The following CYP2D6 variants were observed in gnomAD, a reference collection of about 807,000 sequenced individuals.
CYP2D6 encodes cytochrome P450 2D6.
Under a neutral mutation model 43.5 loss-of-function variants are expected in CYP2D6, and 51 were observed. The ratio of observed to expected loss-of-function variants is 1.17; its 90% CI spans 0.94 to 1.48. The LOEUF (loss-of-function observed/expected upper bound fraction) is 1.48. CYP2D6 is among the 40% of genes most tolerant of loss of function. The pLI is 0.00. For missense variants in CYP2D6, 698 were observed against 688.0 expected, an observed-to-expected ratio of 1.01 and a Z score of -0.16; for synonymous variants, 346 against 297.1, an observed-to-expected ratio of 1.16 and a Z score of -1.69.
rs1931191568 is a variant in CYP2D6, at chr22:42,127,859, A to G, written c.968T>C (p.Leu323Pro). 2.5e-6 allele frequency: 4 copies of G among 1,610,842 alleles called. 1 individual carries two copies. The highest frequency in any genetic ancestry group is 3.4e-6 in the Non-Finnish European group (4 of 1,178,094). Reference sequence around the variant, plus strand: ...GGGCTCACGCTGCACATCCGGATGTAGGATCATGAGCAGGAGGCCCCAGGC... The same window carrying G: ...GGGCTCACGCTGCACATCCGGATGTGGGATCATGAGCAGGAGGCCCCAGGC... ...TLAWGLLLMI[L>P]HPDVQRRVQQ... The change falls in exon 6 of 9, where the codon CTA becomes CCA. Residue 323 changes from leucine (L) to proline (P), a missense_variant. By Grantham distance (98) the Leu-to-Pro change is moderately conservative. This residue lies in a region of CYP2D6 where 588 missense variants were observed against 521.1 expected (regional missense o/e 1.13). Transcript: ENST00000645361.
At position 42,127,312 on chromosome 22, in the gene CYP2D6, G is replaced by C. The variant is rs1334836358; in HGVS notation, c.1173+135C>G. 6 of 1,213,096 alleles carry C rather than the reference G, an allele frequency of 4.9e-6. 1 individual carries two copies. The highest frequency in any genetic ancestry group is 7.1e-6 in the Non-Finnish European group (6 of 845,674). The allele number at this position is 1,213,096 out of a possible 1,614,324, so 75.1% of individuals were successfully genotyped here. On this transcript the variant is annotated intron_variant, in intron 7 of 8. Coordinates refer to ENST00000645361, the MANE Select transcript of CYP2D6 (RefSeq NM_000106.6). Reference sequence around the variant, plus strand: ...CCTATACTCTGGACCCCCCACCCAAGTGGGGACAGTCAGTGTGGTGGCATT... The same window carrying C: ...CCTATACTCTGGACCCCCCACCCAACTGGGGACAGTCAGTGTGGTGGCATT...
In CYP2D6 at chr22:42,128,786, C is replaced by T. The variant is rs753945541; in HGVS notation, c.664G>A (p.Glu222Lys). Residue 222 changes from glutamate (E) to lysine (K), a missense_variant and splice_region_variant, in exon 4 of 9, where the codon GAG (glutamate) becomes AAG (lysine). Physicochemically the swap from Glu to Lys is moderately conservative, Grantham distance 56. Coordinates refer to ENST00000645361, the MANE Select transcript of CYP2D6 (RefSeq NM_000106.6). Reference protein sequence around the residue: ...GLKEESGFLREVLNAVPVLLH... With the variant: ...GLKEESGFLRKVLNAVPVLLH... ...CTCCTCGGTCTCTCGCTCCGCACCT[C>T]GCGCAGAAAGCCCGACTCCTCCTTC... 4 of 1,605,794 alleles carry T rather than the reference C, an allele frequency of 2.5e-6. No individual in the cohort carries two copies. Among genetic ancestry groups the T allele is most frequent in the East Asian group, 2.2e-5 (1 of 44,464 alleles).
chr22:42,130,020 G>A (rs1931817877), intron 1 of CYP2D6, 111 bp from the exon 2 acceptor site: 4 of 1,151,028 alleles, frequency 3.5e-6, no homozygotes, highest in Non-Finnish European at 4.9e-6. Context: ...GTGAGCAGGT[G>A]GAAGGAGGAG....
At position 42,129,350 on chromosome 22, in the gene CYP2D6, C is replaced by A; in HGVS notation, c.353-165G>T. The A allele has an allele frequency of 2.9e-6, 3 of 1,043,422 alleles. No homozygotes were observed. In the South Asian group the frequency reaches 4.1e-5, roughly 14 times the overall value. 64.6% of individuals were successfully genotyped at this position (1,043,422 alleles called of 1,614,324 possible). A position where few individuals can be genotyped will look rare whatever the true frequency, so the allele number is the denominator to read the frequency against. On this transcript the variant is annotated intron_variant, in intron 2 of 8. Transcript: ENST00000645361. ...ATCCACCTTGCTCCCTTGGCTGGGG[C>A]AGGGCTTTGCCCCACCTCGTCTCTG...
rs149686350 is a variant in CYP2D6 at position 42,127,513 on chromosome 22, G to C, written c.1107C>G (p.Ile369Met). The C allele has an allele frequency of 2.4e-5, 38 of 1,611,502 alleles. No homozygotes were observed. In the South Asian group the frequency reaches 4.0e-4, roughly 17 times the overall value. ...VIHEVQRFGD[I>M]VPLGVTHMTS... ...TCATATGGGTCACACCCAGGGGGAC[G>C]ATGTCCCCAAAGCGCTGCACCTCAT... The change falls in exon 7 of 9, where the codon ATC becomes ATG. Residue 369 changes from isoleucine (I) to methionine (M), a missense_variant. By Grantham distance (10) the Ile-to-Met change is conservative. Around this residue, in one of 5 missense-constraint regions of CYP2D6, gnomAD observed 588 missense variants for 521.1 expected, o/e 1.13. Transcript: ENST00000645361.
At chr22:42,128,445 C>T (rs1308308241) in intron 4 of CYP2D6, 95 bp from the exon 5 acceptor site, 6 of 1,419,008 alleles carry the variant, frequency 4.2e-6, no homozygotes, top group East Asian at 4.6e-5. Flanking sequence ...GACCCAGGGC[C>T]TGCCTGTCCT....
Position 42,128,957 on chromosome 22 carries a change from G to A in CYP2D6, c.506-13C>T, listed in dbSNP as rs1473811041. The A allele has an allele frequency of 1.9e-6, 3 of 1,583,798 alleles. No individual in the cohort carries two copies. The highest frequency in any genetic ancestry group is 2.3e-5 in the South Asian group (2 of 87,340). ...CGAAAGGGGCGTCCTGGGGGTGGGA[G>A]ATGCGGGTAAGGGGTCGCCTTCCCC... On this transcript the variant is annotated splice_polypyrimidine_tract_variant and intron_variant, in intron 3 of 8. Coordinates refer to ENST00000645361, the MANE Select transcript of CYP2D6 (RefSeq NM_000106.6).
chr22:42,127,993 G>A lies in CYP2D6; in HGVS notation c.844-10C>T, dbSNP rs763939705. On this transcript the variant is annotated splice_polypyrimidine_tract_variant and intron_variant, in intron 5 of 8. Coordinates refer to ENST00000645361, the MANE Select transcript of CYP2D6 (RefSeq NM_000106.6). Reference sequence around the variant, plus strand: ...CAGGGTTCCCCTTGGCCTGAGCAGGGCCGAGAGCATACTCGGGACAGAACG... The same window carrying A: ...CAGGGTTCCCCTTGGCCTGAGCAGGACCGAGAGCATACTCGGGACAGAACG... 1.2e-6 allele frequency: 2 copies of A among 1,611,352 alleles called. No individual in the cohort carries two copies. Among genetic ancestry groups the A allele is most frequent in the South Asian group, 1.1e-5 (1 of 90,922 alleles).
rs1295839768 is a variant in CYP2D6 at position 42,127,658 on chromosome 22, A to G, written c.986-24T>C. On this transcript the variant is annotated intron_variant, in intron 6 of 8. Coordinates refer to ENST00000645361, the MANE Select transcript of CYP2D6 (RefSeq NM_000106.6). The stretch of plus-strand genomic sequence containing the variant: ...GCCTGGACAGACATGCGTCCCCACA[A>G]TGGGTCAGCACCCAGGGGGTCCGGC... 1.7e-5 allele frequency: 28 copies of G among 1,607,342 alleles called. No homozygotes were observed. In the Middle Eastern group the frequency reaches 4.9e-4, roughly 28 times the overall value.
rs540211648 is a variant in CYP2D6 at position 42,128,701 on chromosome 22, C to A, written c.666+83G>T. 2 of 1,489,918 alleles carry A rather than the reference C, an allele frequency of 1.3e-6. 1 individual carries two copies. 92.3% of individuals were successfully genotyped at this position (1,489,918 alleles called of 1,614,324 possible). ...CTTTCCCAAACCCATCTATGCAAAT[C>A]CTGCTCTTCCGAGGCCCCAGTCCAG... On this transcript the variant is annotated intron_variant, in intron 4 of 8. Transcript: ENST00000645361.
At chr22:42,128,413 A>G (rs1438117301) in intron 4 of CYP2D6, 63 bp from the exon 5 acceptor site, 2 of 1,572,932 alleles carry the variant, frequency 1.3e-6, no homozygotes, top group Non-Finnish European at 1.7e-6. Context: ...GACAAGTCTC[A>G]GGCCCCAGCC....
In CYP2D6 at chr22:42,127,394, G is replaced by T. The variant is rs369465929; in HGVS notation, c.1173+53C>A. On this transcript the variant is annotated intron_variant, in intron 7 of 8. Coordinates refer to ENST00000645361, the MANE Select transcript of CYP2D6 (RefSeq NM_000106.6). ...GCCCACCTGGCAGTAGCCATGCTGG[G>T]GCTATCACCAGGTGCTGGTGCTGAG... 4.8e-5 allele frequency: 68 copies of T among 1,405,902 alleles called. 2 individuals are homozygous for T. In the African/African-American group the frequency reaches 7.5e-4, roughly 15 times the overall value. The allele number at this position is 1,405,902 out of a possible 1,614,324, so 87.1% of individuals were successfully genotyped here.
Position 42,126,702 on chromosome 22 carries a change from A to G in CYP2D6, c.1366T>C (p.Phe456Leu), listed in dbSNP as rs1283832855. The G allele has an allele frequency of 6.3e-7, 1 of 1,590,134 alleles. No individual in the cohort carries two copies. The highest frequency in any genetic ancestry group is 8.6e-7 in the Non-Finnish European group (1 of 1,169,150). Residue 456 changes from phenylalanine (F) to leucine (L), a missense_variant, in exon 9 of 9, where the codon TTC becomes CTC. Physicochemically the swap from Phe to Leu is conservative, Grantham distance 22. Around this residue, in one of 5 missense-constraint regions of CYP2D6, gnomAD observed 85 missense variants for 81.2 expected, o/e 1.05. Coordinates refer to ENST00000645361, the MANE Select transcript of CYP2D6 (RefSeq NM_000106.6). ...AAGTGCTGCAGCAGGGAGGTGAAGA[A>G]GAGGAAGAGCTCCATGCGGGCCAGG... ...EPLARMELFLFFTSLLQHFSF... is the reference protein window; with the variant it reads ...EPLARMELFLLFTSLLQHFSF...
chr22:42,128,183 C>G lies in CYP2D6; in HGVS notation c.834G>C (p.Glu278Asp). ...PRDLTEAFLAEMEKAKGNPES... is the reference protein window; with the variant it reads ...PRDLTEAFLADMEKAKGNPES... Reference sequence around the variant, plus strand: ...TGGCAGCCACTCTCACCTTCTCCATCTCTGCCAGGAAGGCCTCAGTCAGGT... The same window carrying G: ...TGGCAGCCACTCTCACCTTCTCCATGTCTGCCAGGAAGGCCTCAGTCAGGT... Residue 278 changes from glutamate to aspartate, a missense_variant, in exon 5 of 9, where the codon GAG becomes GAC. Around this residue, in one of 5 missense-constraint regions of CYP2D6, gnomAD observed 588 missense variants for 521.1 expected, o/e 1.13. Coordinates refer to ENST00000645361, the MANE Select transcript of CYP2D6 (RefSeq NM_000106.6). 1.2e-6 allele frequency: 2 copies of G among 1,606,848 alleles called. No individual in the cohort carries two copies. The highest frequency in any genetic ancestry group is 1.7e-6 in the Non-Finnish European group (2 of 1,176,308).
In CYP2D6 at chr22:42,129,745, A is replaced by G. The variant is rs1201464323; in HGVS notation, c.345T>C (p.Arg115=). 33 of 1,609,822 alleles carry G rather than the reference A, an allele frequency of 2.0e-5. No homozygotes were observed. Among genetic ancestry groups the G allele is most frequent in the Admixed American group, 3.3e-5 (2 of 59,908 alleles). Residue 115 remains arginine (R), a synonymous_variant, in exon 2 of 9, where the codon CGT becomes CGC. Coordinates refer to ENST00000645361, the MANE Select transcript of CYP2D6 (RefSeq NM_000106.6). The part of the protein sequence containing the change: ...PITQILGFGP[R]SQGVFLARYG... ...GTCCCCACCGCTGCTTGCCTTGGGA[A>G]CGCGGCCCGAAACCCAGGATCTGGG...
intron 4 of CYP2D6, among the ~76,000 whole-genome samples, 153 bp from the exon 5 acceptor site, chr22:42,128,503 C>G (rs1931365966): frequency 6.6e-6 from 1 of 150,718 alleles, no homozygotes; most frequent in Non-Finnish European, 1.5e-5. Flanking sequence ...CCTCCACCCT[C>G]TCTCCTTGCC....
chr22:42,129,712 C>T, intron 2 of CYP2D6, 26 bp downstream of exon 2: 3 of 1,609,108 alleles, frequency 1.9e-6, no homozygotes, highest in Non-Finnish European at 2.5e-6. Flanking sequence ...CCACGGAAAT[C>T]TGTCTCTGTC....
In CYP2D6 at chr22:42,127,546, G is replaced by A. The variant is rs764215391; in HGVS notation, c.1074C>T (p.Ala358=). 2.4e-5 allele frequency: 39 copies of A among 1,612,044 alleles called. No homozygotes were observed. Among genetic ancestry groups the A allele is most frequent in the East Asian group, 6.7e-5 (3 of 44,802 alleles). The stretch of plus-strand genomic sequence containing the variant: ...CAAAGCGCTGCACCTCATGAATCAC[G>A]GCAGTGGTGTAGGGCATGTGAGCCT... The part of the protein sequence containing the change: ...GDQAHMPYTT[A]VIHEVQRFGD... Residue 358 remains alanine, a synonymous_variant, in exon 7 of 9, where the codon GCC becomes GCT. Coordinates refer to ENST00000645361, the MANE Select transcript of CYP2D6 (RefSeq NM_000106.6).
intron 2 of CYP2D6, 196 bp from the exon 3 acceptor site, chr22:42,129,381 C>CCTGA: frequency 1.2e-6 from 1 of 867,500 alleles, no homozygotes. Context: ...CTCTGCCCAC[C>CCTGA]CTGACCGCCT....
Sources: gnomAD v4.1 joint callset for allele counts (sites outside exome capture counted in the v4.1 genomes callset) on GRCh38, gnomAD v4.1.1 for gene constraint, gnomAD v4.1.1 regional missense constraint, MANE v1.5 for transcripts, NCBI Gene and HGNC (gene_info 2026-07-23, HGNC 2026-07-21) for gene names.